The following CLPX variants were observed in gnomAD, a reference collection of about 807,000 sequenced individuals.
CLPX encodes the protein ATP-dependent clpX-like chaperone, mitochondrial.
A neutral mutation model predicts 76.4 loss-of-function variants in CLPX; 34 were observed. The observed-to-expected ratio is 0.45, with a 90% CI of 0.34 to 0.59. CLPX has a LOEUF of 0.59. Among genes scored for constraint, CLPX ranks in the 20% least tolerant of loss-of-function variants. The pLI, the probability that CLPX is intolerant of heterozygous loss-of-function variation, is 0.01. For missense variants in CLPX, 613 were observed against 757.0 expected (o/e 0.81, Z 2.23); for synonymous variants, 248 against 270.9 (o/e 0.92, Z 0.83).
At chr15:65,155,655 C>T (rs772744441) in intron 10 of CLPX, 37 bp downstream of exon 10, 10 of 1,545,226 alleles carry the variant, frequency 6.5e-6, no homozygotes, top group African/African-American at 4.1e-5. Flanking sequence ...CCTTTAAATG[C>T]TCTCTATCCT....
chr15:65,155,886 C>G, intron 9 of CLPX, 30 bp from the exon 10 acceptor site: 1 of 1,554,818 alleles, frequency 6.4e-7, no homozygotes, highest in Non-Finnish European at 8.9e-7. Context: ...TTTATAGCAT[C>G]ACCATATAAG....
At chr15:65,158,969 T>TA (rs1350091753) in intron 6 of CLPX, among the ~76,000 whole-genome samples, 1 of 152,098 alleles carries the variant, frequency 6.6e-6, no homozygotes, top group African/African-American at 2.4e-5. Context: ...AGGAAATTGA[T>TA]TTTTTTTACT....
chr15:65,183,610 G>A (rs993355364), intron 1 of CLPX, among the ~76,000 whole-genome samples: 3 of 151,796 alleles, frequency 2.0e-5, no homozygotes, highest in Non-Finnish European at 4.4e-5. Flanking sequence ...AAAGAAAACA[G>A]TCGTTTTGAA....
chr15:65,153,467 CAA>C lies in CLPX; in HGVS notation c.1704+78_1704+79del, dbSNP rs2087749754. ...TCTCAAAATATATATACATATTTTC[CAA>C]AAGAAAAACAGGGAAGCTTAATATA... is the stretch of plus-strand genomic sequence containing the variant. On this transcript the variant is annotated intron_variant, in intron 12 of 13. Coordinates refer to ENST00000300107, the MANE Select transcript of CLPX (RefSeq NM_006660.5). 4.4e-6 allele frequency: 4 copies of C among 903,128 alleles called. No homozygotes were observed. In the South Asian group the frequency reaches 4.5e-5, roughly 10 times the overall value. 55.9% of individuals were successfully genotyped at this position (903,128 alleles called of 1,614,324 possible).
intron 1 of CLPX, among the ~76,000 whole-genome samples, chr15:65,181,521 G>C (rs184538266): frequency 6.6e-6 from 1 of 152,066 alleles, no homozygotes; most frequent in East Asian, 1.9e-4. Flanking sequence ...GGGAGGTTGA[G>C]GTGGGTGGAT....
rs371362995 is a variant in CLPX, at chr15:65,166,739, A to G, written c.405T>C (p.Val135=). Residue 135 remains valine (V), a synonymous_variant, in exon 4 of 14, where the codon GTT becomes GTC. Transcript: ENST00000300107. ...TCTTTGAGTCTGCTTCAGATAGCAC[A>G]ACAAAAAAATGATGACACTTTTCAC... is the stretch of plus-strand genomic sequence containing the variant. The part of the protein sequence containing the change: ...VKCEKCHHFF[V]VLSEADSKKS... 6.2e-7 allele frequency: 1 copy of G among 1,614,054 alleles called. No individual in the cohort carries two copies.
intron 4 of CLPX, among the ~76,000 whole-genome samples, chr15:65,166,410 T>C (rs992956151): frequency 1.3e-5 from 2 of 152,202 alleles, no homozygotes; most frequent in Non-Finnish European, 2.9e-5. Flanking sequence ...CTAGCTATAT[T>C]TCACTGCCAC....
At chr15:65,162,953 A>C (rs1308922754) in intron 5 of CLPX, among the ~76,000 whole-genome samples, 1 of 152,216 alleles carries the variant, frequency 6.6e-6, no homozygotes, top group Non-Finnish European at 1.5e-5. Flanking sequence ...CTCCTCCAGC[A>C]CTTAGAATAG....
chr15:65,153,994 G>C (rs2087756391), intron 11 of CLPX, among the ~76,000 whole-genome samples: 2 of 152,180 alleles, frequency 1.3e-5, no homozygotes, highest in Admixed American at 1.3e-4. Flanking sequence ...TTATAGTCCA[G>C]TGTATGTACA....
At position 65,157,782 on chromosome 15, in the gene CLPX, G is replaced by C; in HGVS notation, c.1021C>G (p.Gln341Glu). 1 of 1,613,762 alleles carries C rather than the reference G, an allele frequency of 6.2e-7. No individual in the cohort carries two copies. Among genetic ancestry groups the C allele is most frequent in the Non-Finnish European group, 8.5e-7 (1 of 1,179,878 alleles). ...DIESVIAKLLQDANYNVEKAQ... is the reference protein window; with the variant it reads ...DIESVIAKLLEDANYNVEKAQ... ...TTTTCCACATTATAATTGGCATCTT[G>C]GAGTAGTTTTGCAATCACAGATTCA... Residue 341 changes from glutamine to glutamate, a missense_variant, in exon 8 of 14, where the codon CAA becomes GAA. This residue lies in a region of CLPX where 450 missense variants were observed against 638.6 expected (regional missense o/e 0.70). Coordinates refer to ENST00000300107, the MANE Select transcript of CLPX (RefSeq NM_006660.5).
Position 65,180,903 on chromosome 15 carries a change from C to CAA in CLPX, c.80-701_80-700dup, listed in dbSNP as rs1251123572. Among the ~76,000 whole-genome samples, 727 of 102,874 alleles carry CAA rather than the reference C, an allele frequency of 7.1e-3. 4 individuals carry two copies. Among genetic ancestry groups the CAA allele is most frequent in the Middle Eastern group, 0.024 (3 of 124 alleles). The allele number at this position is 102,874 out of a possible 152,430, so 67.5% of individuals were successfully genotyped here. A position where few individuals can be genotyped will look rare whatever the true frequency, so the allele number is the denominator to read the frequency against. ...TGGGTGACATAGCGAGACTCCATCT[C>CAA]AAAAAAAAAAAAAAAAATCTGTAAC... On this transcript the variant is annotated intron_variant, in intron 1 of 13. Coordinates refer to ENST00000300107, the MANE Select transcript of CLPX (RefSeq NM_006660.5).
intron 3 of CLPX, among the ~76,000 whole-genome samples, chr15:65,175,706 AG>A (rs1020992008): frequency 2.6e-5 from 4 of 152,176 alleles, no homozygotes; most frequent in African/African-American, 9.7e-5. Flanking sequence ...CGCACTCAAA[AG>A]GATTTCAGAG....
At chr15:65,171,335 A>C (rs1229225973) in intron 3 of CLPX, among the ~76,000 whole-genome samples, 1 of 151,838 alleles carries the variant, frequency 6.6e-6, no homozygotes, top group Non-Finnish European at 1.5e-5. Flanking sequence ...TAATCCTAGC[A>C]ACTGGGGAGG....
intron 3 of CLPX, among the ~76,000 whole-genome samples, chr15:65,178,700 C>CT (rs35901458): frequency 0.024 from 3,277 of 134,184 alleles, 107 homozygotes; most frequent in African/African-American, 0.078. Flanking sequence ...CCATACCTGG[C>CT]TTTTTTTTTT....
At chr15:65,173,433 C>T (rs575051626) in intron 3 of CLPX, among the ~76,000 whole-genome samples, 2 of 149,554 alleles carry the variant, frequency 1.3e-5, no homozygotes, top group African/African-American at 2.5e-5. Flanking sequence ...GAAACTGGAA[C>T]CCTCATATTG....
chr15:65,160,922 G>A (rs2087848893), intron 6 of CLPX, among the ~76,000 whole-genome samples: 1 of 152,130 alleles, frequency 6.6e-6, no homozygotes, highest in South Asian at 2.1e-4. Flanking sequence ...TGAGCAAGCA[G>A]GCTAGTGTAG....
chr15:65,184,150 A>G (rs1429075207), intron 1 of CLPX, among the ~76,000 whole-genome samples: 1 of 152,244 alleles, frequency 6.6e-6, no homozygotes, highest in Non-Finnish European at 1.5e-5. Flanking sequence ...TTAAAAATCC[A>G]TCCAAGGGTC....
intron 8 of CLPX, among the ~76,000 whole-genome samples, chr15:65,157,286 T>C (rs900948785): frequency 6.6e-6 from 1 of 152,202 alleles, no homozygotes; most frequent in Admixed American, 6.5e-5. Context: ...CATTCTTGTC[T>C]TAAAGAAATT....
At position 65,181,536 on chromosome 15, in the gene CLPX, T is replaced by C. The variant is rs538017806; in HGVS notation, c.80-1332A>G. Among the ~76,000 whole-genome samples, 3 of 150,508 alleles carry C rather than the reference T, an allele frequency of 2.0e-5. No homozygotes were observed. In the East Asian group the frequency reaches 6.0e-4, roughly 30 times the overall value. On this transcript the variant is annotated intron_variant, in intron 1 of 13. Transcript: ENST00000300107. ...GGGAGGTTGAGGTGGGTGGATCACT[T>C]GAGGTTAGGAGTTTAAGACCAGCCT... is the stretch of plus-strand genomic sequence containing the variant.
Sources: gnomAD v4.1 joint callset for allele counts (sites outside exome capture counted in the v4.1 genomes callset) on GRCh38, gnomAD v4.1.1 for gene constraint, gnomAD v4.1.1 regional missense constraint, MANE v1.5 for transcripts, NCBI Gene and HGNC (gene_info 2026-07-23, HGNC 2026-07-21) for gene names.